The following OPTC variants were observed in gnomAD, a reference collection of about 807,000 sequenced individuals.
OPTC encodes opticin, also known as oculoglycan.
A neutral mutation model predicts 25.4 loss-of-function variants in OPTC; 22 were observed. The observed-to-expected ratio is 0.87, with a 90% confidence interval of 0.62 to 1.24. The LOEUF is 1.24. Among genes scored for constraint, OPTC ranks in the 50% most tolerant of loss-of-function variants. The probability of loss-of-function intolerance (pLI) is 0.00; values close to 1 mark genes in which losing one functional copy is unlikely to be tolerated. For missense variants in OPTC, 417 were observed against 425.2 expected (o/e 0.98, Z 0.17); for synonymous variants, 169 against 179.3 (o/e 0.94, Z 0.46).
intron 7 of OPTC, among the ~76,000 whole-genome samples, chr1:203,507,465 C>T (rs1245738995): frequency 6.6e-6 from 1 of 152,246 alleles, no homozygotes; most frequent in Admixed American, 6.5e-5. Context: ...TAACCTCACT[C>T]ATCCAGGTCC....
chr1:203,498,770 A>C lies in OPTC; in HGVS notation c.460A>C (p.Arg154=). ...DLEDIPPLPR[R]TAYLYARFNR... The stretch of plus-strand genomic sequence containing the variant: ...AGAGGACATTCCTCCTCTTCCTCGG[A>C]GGACTGCCTACCTGTATGCACGCTT... The change falls in exon 4 of 8, where the codon AGG becomes CGG. Residue 154 remains arginine (R), a synonymous_variant. Coordinates refer to ENST00000367222, the MANE Select transcript of OPTC (RefSeq NM_014359.4). The C allele has an allele frequency of 2.5e-6, 4 of 1,614,072 alleles. No homozygotes were observed. Among genetic ancestry groups the C allele is most frequent in the Non-Finnish European group, 3.4e-6 (4 of 1,180,014 alleles).
chr1:203,499,884 C>T (rs770679288), intron 5 of OPTC, 33 bp downstream of exon 5: 6 of 1,562,242 alleles, frequency 3.8e-6, no homozygotes, highest in Non-Finnish European at 4.4e-6. Flanking sequence ...CTATCTATCA[C>T]CTCCACCACC....
chr1:203,498,971 G>A (rs1034564709), intron 4 of OPTC, 132 bp downstream of exon 4: 4 of 996,788 alleles, frequency 4.0e-6, no homozygotes, highest in African/African-American at 3.2e-5. Flanking sequence ...CCCTCCAGCT[G>A]TCAAAGGGAA....
At chr1:203,495,332 A>G (rs1661260017) in intron 1 of OPTC, among the ~76,000 whole-genome samples, 2 of 152,200 alleles carry the variant, frequency 1.3e-5, no homozygotes, top group Admixed American at 6.5e-5. Context: ...CAGCCTGGCC[A>G]ATATGGTGAA....
chr1:203,497,724 TG>T (rs1661303865), intron 3 of OPTC, among the ~76,000 whole-genome samples: 1 of 152,158 alleles, frequency 6.6e-6, no homozygotes, highest in Admixed American at 6.5e-5. Context: ...ATGTTTGCCT[TG>T]GGTGGACCTG....
chr1:203,504,426 G>A (rs1446989094), intron 7 of OPTC, among the ~76,000 whole-genome samples: 1 of 152,132 alleles, frequency 6.6e-6, no homozygotes, highest in African/African-American at 2.4e-5. Flanking sequence ...CATATCGGTG[G>A]TTTAAAATGG....
At chr1:203,499,984 CA>C in intron 5 of OPTC, 133 bp downstream of exon 5, 2 of 751,664 alleles carry the variant, frequency 2.7e-6, no homozygotes, top group Admixed American at 4.1e-5. Flanking sequence ...CCTCCACCAT[CA>C]CCCACCTCTA....
intron 5 of OPTC, among the ~76,000 whole-genome samples, chr1:203,501,582 A>G (rs546001245): frequency 5.3e-4 from 80 of 152,176 alleles, no homozygotes; most frequent in Non-Finnish European, 9.3e-4. Context: ...TCTTTTACGC[A>G]ATCTAATTCC....
intron 1 of OPTC, among the ~76,000 whole-genome samples, chr1:203,495,317 G>A (rs755742380): frequency 2.6e-5 from 4 of 152,162 alleles, no homozygotes; most frequent in Non-Finnish European, 4.4e-5. Context: ...TCAGGAGTTC[G>A]ACACCAGCCT....
intron 4 of OPTC, 126 bp downstream of exon 4, chr1:203,498,965 C>T: frequency 9.5e-7 from 1 of 1,056,922 alleles, no homozygotes; most frequent in Non-Finnish European, 1.4e-6. Flanking sequence ...CTCAGTCCCT[C>T]CAGCTGTCAA....
intron 7 of OPTC, among the ~76,000 whole-genome samples, chr1:203,505,962 G>A (rs1014304894): frequency 6.6e-6 from 1 of 151,470 alleles, no homozygotes; most frequent in Non-Finnish European, 1.5e-5. Flanking sequence ...GTGTGTGTGT[G>A]TGTGTGTGTT....
At chr1:203,508,340 C>T (rs545356413) in intron 7 of OPTC, among the ~76,000 whole-genome samples, 56 of 152,282 alleles carry the variant, frequency 3.7e-4, no homozygotes, top group African/African-American at 1.3e-3. Flanking sequence ...CAGGGCCTGC[C>T]CCCAGCAGGT....
chr1:203,507,094 A>T (rs1008547534), intron 7 of OPTC, among the ~76,000 whole-genome samples: 4 of 152,204 alleles, frequency 2.6e-5, no homozygotes, highest in Non-Finnish European at 5.9e-5. Flanking sequence ...GGAGGGAAGG[A>T]GGAAGAGAGA....
chr1:203,504,742 C>G (rs1661449550), intron 7 of OPTC, among the ~76,000 whole-genome samples: 1 of 152,178 alleles, frequency 6.6e-6, no homozygotes, highest in African/African-American at 2.4e-5. Flanking sequence ...TAGCACTTAC[C>G]TACTCCCTGG....
In OPTC at chr1:203,497,112, C is replaced by A. The variant is rs868156612; in HGVS notation, c.367C>A (p.His123Asn). The stretch of plus-strand genomic sequence containing the variant: ...GCTGCTACTGAGTTCCCAGCCCAAC[C>A]ATGGTAAGTGCACAGTCACATGGTC... Reference protein sequence around the residue: ...AGLLLSSQPNHGLPTCLVCVC... With the variant: ...AGLLLSSQPNNGLPTCLVCVC... The change falls in exon 3 of 8, where the codon CAT becomes AAT. Residue 123 changes from histidine to asparagine, a missense_variant. Transcript: ENST00000367222. The A allele has an allele frequency of 1.2e-6, 2 of 1,613,870 alleles. No homozygotes were observed. The highest frequency in any genetic ancestry group is 1.7e-6 in the Non-Finnish European group (2 of 1,180,016).
At chr1:203,498,388 G>A (rs1411146686) in intron 3 of OPTC, among the ~76,000 whole-genome samples, 1 of 152,176 alleles carries the variant, frequency 6.6e-6, no homozygotes, top group Non-Finnish European at 1.5e-5. Context: ...GGATTTCCTA[G>A]AAACACCCAC....
intron 5 of OPTC, among the ~76,000 whole-genome samples, chr1:203,501,772 G>A (rs1301825060): frequency 2.0e-5 from 3 of 152,112 alleles, no homozygotes; most frequent in South Asian, 4.1e-4. Context: ...TACCACTGTT[G>A]TGGTGGAAGA....
At position 203,503,754 on chromosome 1, in the gene OPTC, C is replaced by G. The variant is rs774486729; in HGVS notation, c.*25+9C>G. 6 of 1,596,630 alleles carry G rather than the reference C, an allele frequency of 3.8e-6. No homozygotes were observed. In the African/African-American group the frequency reaches 5.3e-5, roughly 14 times the overall value. Reference sequence around the variant, plus strand: ...CCTTCCACTCCTCCCAGGTAAGAACCCTCCAAGGACCATGCAGGCATGGGC... The same window carrying G: ...CCTTCCACTCCTCCCAGGTAAGAACGCTCCAAGGACCATGCAGGCATGGGC... On this transcript the variant is annotated intron_variant, in intron 7 of 7. Transcript: ENST00000367222.
intron 6 of OPTC, 88 bp downstream of exon 6, chr1:203,503,097 T>G: frequency 9.7e-7 from 1 of 1,031,448 alleles, no homozygotes. Context: ...GAGAGAGGCA[T>G]GAGGCTTAGG....
Sources: allele counts gnomAD v4.1 joint callset (sites outside exome capture counted in the v4.1 genomes callset), GRCh38; gene constraint gnomAD v4.1.1; transcripts MANE v1.5; gene names NCBI Gene and HGNC (gene_info 2026-07-23, HGNC 2026-07-21).